The following CDH23 variants were observed in gnomAD, a reference collection of about 807,000 sequenced individuals.
CDH23 encodes the protein cadherin related 23, also known as cadherin-23.
Under a neutral mutation model 317.1 loss-of-function variants are expected in CDH23, and 189 were observed. The ratio of observed to expected loss-of-function variants is 0.60; its 90% CI spans 0.53 to 0.67. The LOEUF (loss-of-function observed/expected upper bound fraction) is 0.67. Ranked by LOEUF, CDH23 falls within the 30% of genes least tolerant of loss-of-function variation. The pLI is 0.00. For missense variants in CDH23, 4,401 were observed against 4,592.4 expected (o/e 0.96, Z 1.20); for synonymous variants, 1,839 against 1,876.8 (o/e 0.98, Z 0.52).
intron 14 of CDH23, among the ~76,000 whole-genome samples, chr10:71,656,235 C>T (rs1665616): frequency 0.34 from 52,099 of 152,102 alleles, 9,161 homozygotes; most frequent in Middle Eastern, 0.44. Context: ...CCAAGGTCAA[C>T]GCTGAAATCT....
At chr10:71,509,948 G>A (rs1052471493) in intron 3 of CDH23, 134 bp from the exon 4 acceptor site, 2 of 953,112 alleles carry the variant, frequency 2.1e-6, no homozygotes, top group East Asian at 2.5e-5. Flanking sequence ...CCAGGGCCTT[G>A]TGATGATCTG....
intron 38 of CDH23, among the ~76,000 whole-genome samples, chr10:71,762,325 T>C (rs1840416300): frequency 6.6e-6 from 1 of 152,204 alleles, no homozygotes; most frequent in Non-Finnish European, 1.5e-5. Flanking sequence ...GTAGAGTATA[T>C]GCAAAACCTG....
At chr10:71,553,748 G>T (rs1031922516) in intron 6 of CDH23, among the ~76,000 whole-genome samples, 29 of 152,230 alleles carry the variant, frequency 1.9e-4, no homozygotes, top group African/African-American at 7.0e-4. Flanking sequence ...TCATCATCAT[G>T]CAAAGGAATG....
chr10:71,719,389 T>C (rs1231999663), intron 28 of CDH23, among the ~76,000 whole-genome samples: 1 of 152,168 alleles, frequency 6.6e-6, no homozygotes, highest in Non-Finnish European at 1.5e-5. Context: ...GCAAGCTCAG[T>C]CTAGGACCCT....
chr10:71,758,900 C>T (rs1192083063), intron 38 of CDH23, among the ~76,000 whole-genome samples: 2 of 152,102 alleles, frequency 1.3e-5, no homozygotes, highest in African/African-American at 4.8e-5. Context: ...GACAGAGTCT[C>T]GCTCTGTCAC....
chr10:71,772,280 C>T (rs1021330101), intron 38 of CDH23, among the ~76,000 whole-genome samples: 6 of 152,288 alleles, frequency 3.9e-5, no homozygotes, highest in Non-Finnish European at 8.8e-5. Context: ...CCTCCTCTCC[C>T]TCTTATCCTA....
At chr10:71,644,113 C>T (rs545453325) in intron 12 of CDH23, among the ~76,000 whole-genome samples, 45 of 152,386 alleles carry the variant, frequency 3.0e-4, no homozygotes, top group African/African-American at 1.0e-3. Flanking sequence ...TTCCATGTGA[C>T]GGGACGCATT....
intron 11 of CDH23, among the ~76,000 whole-genome samples, chr10:71,627,045 G>A (rs765924610): frequency 4.6e-5 from 7 of 151,998 alleles, no homozygotes; most frequent in African/African-American, 1.5e-4. Flanking sequence ...CTCTGACCTC[G>A]CAGCAAGGGT....
intron 38 of CDH23, among the ~76,000 whole-genome samples, chr10:71,773,163 C>T (rs1422134557): frequency 1.3e-5 from 2 of 152,206 alleles, no homozygotes; most frequent in East Asian, 3.8e-4. Context: ...GTGCCCGATG[C>T]CTAGCTGGGG....
intron 28 of CDH23, among the ~76,000 whole-genome samples, chr10:71,718,094 G>A (rs1014458160): frequency 6.6e-6 from 1 of 152,122 alleles, no homozygotes; most frequent in South Asian, 2.1e-4. Context: ...TTTTCATGAG[G>A]GTGGGGGATA....
At chr10:71,524,856 T>C (rs1854936942) in intron 6 of CDH23, among the ~76,000 whole-genome samples, 1 of 152,160 alleles carries the variant, frequency 6.6e-6, no homozygotes, top group Non-Finnish European at 1.5e-5. Context: ...AGGAAACAGA[T>C]TTCCCTTGGA....
At chr10:71,701,876 G>T in intron 22 of CDH23, 146 bp from the exon 23 acceptor site, 1 of 762,710 alleles carries the variant, frequency 1.3e-6, no homozygotes, top group Non-Finnish European at 2.1e-6. Context: ...CCCCCCTACC[G>T]GGCCCAGCGG....
In CDH23 at chr10:71,799,276, A is replaced by C; in HGVS notation, c.7220A>C (p.Tyr2407Ser). The change falls in exon 51 of 70, where the codon TAC (tyrosine) becomes TCC (serine). Residue 2407 changes from tyrosine to serine, a missense_variant. By Grantham distance (144) the Tyr-to-Ser change is moderately radical (BLOSUM62 -2). Around this residue, in one of 3 missense-constraint regions of CDH23, gnomAD observed 189 missense variants for 250.9 expected, o/e 0.75. Transcript: ENST00000224721. ...DNNPIFDQPS[Y>S]QEAVFEDVPV... Reference sequence around the variant, plus strand: ...AACCCCATCTTTGACCAGCCCTCCTACCAGGTGGGTGGCCAGGCCACAGGC... The same window carrying C: ...AACCCCATCTTTGACCAGCCCTCCTCCCAGGTGGGTGGCCAGGCCACAGGC... 2 of 1,613,970 alleles carry C rather than the reference A, an allele frequency of 1.2e-6. No homozygotes were observed. The highest frequency in any genetic ancestry group is 2.7e-5 in the African/African-American group (2 of 75,058).
chr10:71,570,766 T>G, intron 7 of CDH23, 24 bp from the exon 8 acceptor site: 2 of 1,588,554 alleles, frequency 1.3e-6, no homozygotes, highest in Non-Finnish European at 1.7e-6. Flanking sequence ...AACCTAAGGC[T>G]GTGTGTTCTC....
chr10:71,547,992 A>G (rs1037694103), intron 6 of CDH23, among the ~76,000 whole-genome samples: 8 of 152,216 alleles, frequency 5.3e-5, no homozygotes, highest in Non-Finnish European at 1.0e-4. Flanking sequence ...GGTCAGTCGG[A>G]GGCTGGCCGC....
intron 22 of CDH23, 136 bp downstream of exon 22, chr10:71,695,661 A>C: frequency 3.1e-6 from 2 of 646,608 alleles, no homozygotes; most frequent in East Asian, 2.7e-5. Flanking sequence ...CTTGCAATAG[A>C]GTTCTAGCGG....
intron 6 of CDH23, among the ~76,000 whole-genome samples, chr10:71,566,316 G>A (rs916171487): frequency 6.6e-6 from 1 of 152,050 alleles, no homozygotes; most frequent in Non-Finnish European, 1.5e-5. Context: ...CAGGGGCCCC[G>A]TAAAGAGCAC....
chr10:71,596,418 C>A (rs902977618), intron 9 of CDH23, among the ~76,000 whole-genome samples: 4 of 152,180 alleles, frequency 2.6e-5, no homozygotes, highest in Admixed American at 2.0e-4. Context: ...GGACCACCCT[C>A]CTCATTGGAT....
At position 71,497,843 on chromosome 10, in the gene CDH23, C is replaced by T. The variant is rs115996978; in HGVS notation, c.146-12239C>T. 2.7e-3 allele frequency among the ~76,000 whole-genome samples: 411 copies of T among 152,256 alleles called. 1 individual carries two copies. The highest frequency in any genetic ancestry group is 9.3e-3 in the African/African-American group (388 of 41,534). On this transcript the variant is annotated intron_variant, in intron 3 of 69. Coordinates refer to ENST00000224721, the MANE Select transcript of CDH23 (RefSeq NM_022124.6). ...CCGGGCCACCCAGCCCTGTTTTCTC[C>T]TTTGTAAAATGAGCTTGTTGGCCAT...
Sources: gnomAD v4.1 joint callset for allele counts (sites outside exome capture counted in the v4.1 genomes callset) on GRCh38, gnomAD v4.1.1 for gene constraint, gnomAD v4.1.1 regional missense constraint, MANE v1.5 for transcripts, NCBI Gene and HGNC (gene_info 2026-07-23, HGNC 2026-07-21) for gene names.